NNT: variants seen among roughly 807,000 people sequenced by gnomAD.
NNT encodes the protein NAD(P) transhydrogenase, mitochondrial.
Under a neutral mutation model 104.8 loss-of-function variants are expected in NNT, and 50 were observed. The observed-to-expected ratio is 0.48, with a 90% confidence interval of 0.38 to 0.60. The LOEUF (loss-of-function observed/expected upper bound fraction) is 0.60, where lower values mean the gene tolerates loss of function less well. Among genes scored for constraint, NNT ranks in the 20% least tolerant of loss-of-function variants. The pLI is 0.00. For missense variants in NNT, 1,131 were observed against 1,330.7 expected (o/e 0.85, Z 2.33); for synonymous variants, 461 against 490.4 (o/e 0.94, Z 0.79).
intron 3 of NNT, among the ~76,000 whole-genome samples, chr5:43,615,266 T>G (rs976040276): frequency 1.3e-5 from 2 of 152,378 alleles, no homozygotes; most frequent in Non-Finnish European, 2.9e-5. Context: ...CAGAATATAT[T>G]GTAGCTTTTG....
chr5:43,654,033 C>T (rs1046687755), intron 14 of NNT, among the ~76,000 whole-genome samples: 5 of 151,828 alleles, frequency 3.3e-5, no homozygotes, highest in Non-Finnish European at 5.9e-5. Flanking sequence ...TACTAAATTA[C>T]ATAAACTTAA....
intron 7 of NNT, among the ~76,000 whole-genome samples, chr5:43,638,262 G>A (rs574040318): frequency 4.6e-5 from 7 of 152,156 alleles, no homozygotes; most frequent in East Asian, 1.9e-4. Context: ...ACCCAGTCTC[G>A]GCCAGCAATT....
chr5:43,638,043 C>T lies in NNT; in HGVS notation c.965-6149C>T, dbSNP rs111739653. Among the ~76,000 whole-genome samples the T allele has an allele frequency of 3.6e-3, 544 of 152,230 alleles. 2 individuals carry two copies. The highest frequency in any genetic ancestry group is 0.013 in the African/African-American group (533 of 41,542). Reference sequence around the variant, plus strand: ...AGAATTGAACCAAGGGGGCAGTTTCCCCCATCCTGTTCTCGTGATAGCGAG... The same window carrying T: ...AGAATTGAACCAAGGGGGCAGTTTCTCCCATCCTGTTCTCGTGATAGCGAG... On this transcript the variant is annotated intron_variant, in intron 7 of 21. Transcript: ENST00000344920.
chr5:43,704,184 A>G (rs1236168859), intron 21 of NNT, 71 bp from the exon 22 acceptor site: 2 of 1,380,998 alleles, frequency 1.4e-6, no homozygotes, highest in African/African-American at 1.5e-5. Flanking sequence ...GTGAAGAGCA[A>G]TGTTTGTTTG....
intron 5 of NNT, among the ~76,000 whole-genome samples, chr5:43,621,929 A>G (rs1175377940): frequency 1.3e-5 from 2 of 152,216 alleles, no homozygotes; most frequent in African/African-American, 2.4e-5. Flanking sequence ...GGTGAACAAG[A>G]TGAAGAGTGA....
chr5:43,669,492 A>C (rs1002374194), intron 17 of NNT, among the ~76,000 whole-genome samples: 2 of 151,934 alleles, frequency 1.3e-5, no homozygotes, highest in African/African-American at 2.4e-5. Context: ...TAGCATGAAG[A>C]GTTGTTGAAT....
At chr5:43,690,981 A>C (rs933647324) in intron 19 of NNT, among the ~76,000 whole-genome samples, 17 of 152,168 alleles carry the variant, frequency 1.1e-4, no homozygotes, top group African/African-American at 3.6e-4. Flanking sequence ...CTGTGCAAAT[A>C]AGAAATATTT....
At chr5:43,672,845 C>T (rs1270465778) in intron 17 of NNT, among the ~76,000 whole-genome samples, 1 of 152,260 alleles carries the variant, frequency 6.6e-6, no homozygotes, top group Non-Finnish European at 1.5e-5. Flanking sequence ...GCAGAGGTTT[C>T]TGCTGCCTTT....
chr5:43,640,798 A>G (rs1488848210), intron 7 of NNT, among the ~76,000 whole-genome samples: 1 of 150,880 alleles, frequency 6.6e-6, no homozygotes, highest in Non-Finnish European at 1.5e-5. Flanking sequence ...ATTGTAATAT[A>G]TACATTTTTC....
chr5:43,613,099 G>C lies in NNT; in HGVS notation c.343G>C (p.Gly115Arg). 1 of 1,613,784 alleles carries C rather than the reference G, an allele frequency of 6.2e-7. No individual in the cohort carries two copies. Among genetic ancestry groups the C allele is most frequent in the Admixed American group, 1.7e-5 (1 of 60,018 alleles). ...HYRVAGAQIQ[G>R]AKEVLASDLV... ...TAGAGTGGCAGGTGCCCAAATCCAA[G>C]GGGCAAAGGAAGTGCTGGCTTCTGA... The change falls in exon 3 of 22, where the codon GGG (glycine) becomes CGG (arginine). Residue 115 changes from glycine to arginine, a missense_variant. Physicochemically the swap from Gly to Arg is moderately radical, Grantham distance 125 (BLOSUM62 -2). Transcript: ENST00000344920.
rs1271092113 is a variant in NNT, at chr5:43,674,085, A to G, written c.2635-1426A>G. On this transcript the variant is annotated intron_variant, in intron 17 of 21. Coordinates refer to ENST00000344920, the MANE Select transcript of NNT (RefSeq NM_182977.3). Reference sequence around the variant, plus strand: ...TCTTATCCTTTAATAATACACGTAAAGACATTTCAGGTTTTATTTTGTATG... The same window carrying G: ...TCTTATCCTTTAATAATACACGTAAGGACATTTCAGGTTTTATTTTGTATG... Among the ~76,000 whole-genome samples, 4 of 152,144 alleles carry G rather than the reference A, an allele frequency of 2.6e-5. No individual in the cohort carries two copies. The East Asian group carries it at 7.7e-4, about 29-fold the overall frequency.
rs1303433508 is a variant in NNT, at chr5:43,644,304, A to G, written c.1077A>G (p.Pro359=). ...GTGGAAACTTTGAAACCACTAAGCC[A>G]GGAGAACTCTACATTCATAAGGTAT... ...EAGGNFETTK[P]GELYIHKGIT... Residue 359 remains proline, a synonymous_variant, in exon 8 of 22, where the codon CCA becomes CCG. Coordinates refer to ENST00000344920, the MANE Select transcript of NNT (RefSeq NM_182977.3). 1 of 1,613,778 alleles carries G rather than the reference A, an allele frequency of 6.2e-7. No homozygotes were observed. Among genetic ancestry groups the G allele is most frequent in the South Asian group, 1.1e-5 (1 of 90,948 alleles).
Position 43,628,494 on chromosome 5 carries a change from T to C in NNT, c.964+107T>C. 3 of 735,744 alleles carry C rather than the reference T, an allele frequency of 4.1e-6. No individual in the cohort carries two copies. In the South Asian group the frequency reaches 9.1e-5, roughly 22 times the overall value. The allele number at this position is 735,744 out of a possible 1,614,324, so 45.6% of individuals were successfully genotyped here. On this transcript the variant is annotated intron_variant, in intron 7 of 21. Transcript: ENST00000344920. Reference sequence around the variant, plus strand: ...ACATTTGAATTTCTTTAAGGAAGGATCTAGTACTTTCTATTATAAAAGTAC... The same window carrying C: ...ACATTTGAATTTCTTTAAGGAAGGACCTAGTACTTTCTATTATAAAAGTAC...
Position 43,628,331 on chromosome 5 carries a change from T to G in NNT, c.908T>G (p.Leu303Arg). 6.2e-7 allele frequency: 1 copy of G among 1,613,990 alleles called. No individual in the cohort carries two copies. The highest frequency in any genetic ancestry group is 8.5e-7 in the Non-Finnish European group (1 of 1,179,940). Residue 303 changes from leucine to arginine, a missense_variant, in exon 7 of 22, where the codon CTC (leucine) becomes CGC (arginine). Physicochemically the swap from Leu to Arg is moderately radical, Grantham distance 102. Transcript: ENST00000344920. ...GAGTTCATTGAAGCTGAAATGAAAC[T>G]CTTTGCTCAACAATGCAAGGAGGTA... ...SKEFIEAEMK[L>R]FAQQCKEVDI...
At chr5:43,628,490 A>G in intron 7 of NNT, 103 bp downstream of exon 7, 1 of 854,138 alleles carries the variant, frequency 1.2e-6, no homozygotes, top group Non-Finnish European at 1.7e-6. Flanking sequence ...TCTTTAAGGA[A>G]GGATCTAGTA....
intron 5 of NNT, among the ~76,000 whole-genome samples, chr5:43,621,224 A>C (rs1750073496): frequency 6.6e-6 from 1 of 152,246 alleles, no homozygotes; most frequent in South Asian, 2.1e-4. Context: ...AAATTTGTTA[A>C]CTTTCTTAAA....
At chr5:43,634,601 T>C (rs1269731860) in intron 7 of NNT, among the ~76,000 whole-genome samples, 1 of 152,218 alleles carries the variant, frequency 6.6e-6, no homozygotes, top group Non-Finnish European at 1.5e-5. Flanking sequence ...TTTATGATTA[T>C]ATAGACTTTT....
intron 7 of NNT, among the ~76,000 whole-genome samples, chr5:43,635,506 C>G (rs1357047764): frequency 6.6e-6 from 1 of 152,068 alleles, no homozygotes; most frequent in Non-Finnish European, 1.5e-5. Flanking sequence ...AGCTCTGTGC[C>G]CAGGAATAAG....
rs1580022245 is a variant in NNT at position 43,644,263 on chromosome 5, T to A, written c.1036T>A (p.Leu346Ile). Residue 346 changes from leucine to isoleucine, a missense_variant, in exon 8 of 22, where the codon TTA (leucine) becomes ATA (isoleucine). Leu to Ile is a conservative substitution (Grantham distance 5, BLOSUM62 2). Transcript: ENST00000344920. ...GAAGGAAGGTTCAGTTGTTGTGGATTTAGCTGCTGAGGCTGGTGGAAACTT... is the reference window on the plus strand; with the variant it reads ...GAAGGAAGGTTCAGTTGTTGTGGATATAGCTGCTGAGGCTGGTGGAAACTT... ...SMKEGSVVVDLAAEAGGNFET... is the reference protein window; with the variant it reads ...SMKEGSVVVDIAAEAGGNFET... The A allele has an allele frequency of 6.2e-7, 1 of 1,613,978 alleles. No homozygotes were observed. The highest frequency in any genetic ancestry group is 2.2e-5 in the East Asian group (1 of 44,870).
Sources: allele counts gnomAD v4.1 joint callset (sites outside exome capture counted in the v4.1 genomes callset), GRCh38; gene constraint gnomAD v4.1.1; transcripts MANE v1.5; gene names NCBI Gene and HGNC (gene_info 2026-07-23, HGNC 2026-07-21).